The following NDUFS5 variants were observed in gnomAD, a reference collection of about 807,000 sequenced individuals.
NDUFS5 encodes NADH:ubiquinone oxidoreductase subunit S5.
A neutral mutation model predicts 10.5 loss-of-function variants in NDUFS5; 7 were observed. The observed-to-expected ratio is 0.66, with a 90% confidence interval of 0.38 to 1.25. The LOEUF is 1.25. Ranked by LOEUF, NDUFS5 falls within the 50% of genes most tolerant of loss-of-function variation. The probability of loss-of-function intolerance (pLI) is 0.02; values close to 1 mark genes in which losing one functional copy is unlikely to be tolerated. For synonymous variants in NDUFS5, 38 were observed against 44.0 expected (o/e 0.86, Z 0.54); for missense variants, 148 against 140.7 (o/e 1.05, Z -0.26).
chr1:39,028,459 C>T (rs546755384), intron 1 of NDUFS5, among the ~76,000 whole-genome samples: 4 of 152,032 alleles, frequency 2.6e-5, no homozygotes, highest in African/African-American at 4.8e-5. Context: ...CGCTCCTGAC[C>T]GAGAAAGGAT....
At chr1:39,032,356 A>G (rs933041933) in intron 2 of NDUFS5, among the ~76,000 whole-genome samples, 9 of 152,212 alleles carry the variant, frequency 5.9e-5, no homozygotes, top group African/African-American at 2.2e-4. Context: ...GTCATAGTTC[A>G]AAACCATGAC....
At chr1:39,032,553 T>C (rs988923007) in intron 2 of NDUFS5, among the ~76,000 whole-genome samples, 1 of 151,818 alleles carries the variant, frequency 6.6e-6, no homozygotes, top group African/African-American at 2.4e-5. Flanking sequence ...GTTAAAAAAA[T>C]TATGTCAGAA....
intron 2 of NDUFS5, among the ~76,000 whole-genome samples, chr1:39,029,277 G>A (rs946863274): frequency 5.3e-5 from 8 of 152,142 alleles, no homozygotes; most frequent in Non-Finnish European, 1.0e-4. Context: ...ACAGGCATGA[G>A]CCACCGTGCC....
At chr1:39,030,507 C>T (rs1196259669) in intron 2 of NDUFS5, among the ~76,000 whole-genome samples, 3 of 151,820 alleles carry the variant, frequency 2.0e-5, no homozygotes, top group Admixed American at 2.0e-4. Context: ...GAGTTCGAGA[C>T]CAGCCTGACC....
chr1:39,033,193 T>C (rs938711635), intron 2 of NDUFS5, among the ~76,000 whole-genome samples: 1 of 152,032 alleles, frequency 6.6e-6, no homozygotes, highest in Admixed American at 6.6e-5. Context: ...TACTTCCATA[T>C]GGGGAAAAGA....
intron 1 of NDUFS5, among the ~76,000 whole-genome samples, chr1:39,027,064 A>G (rs1374875158): frequency 6.6e-6 from 1 of 152,120 alleles, no homozygotes; most frequent in African/African-American, 2.4e-5. Flanking sequence ...GGAACTTAAG[A>G]AGTTAAATTC....
intron 1 of NDUFS5, among the ~76,000 whole-genome samples, chr1:39,027,581 G>GTTTTTTTTTTTTTTTTTTTTTTTTTTTT (rs760373747): frequency 2.2e-5 from 2 of 91,134 alleles, no homozygotes; most frequent in Non-Finnish European, 4.4e-5. Flanking sequence ...TTTCGCTCTG[G>GTTTTTTTTTTTTTTTTTTTTTTTTTTTT]TTTTTTTTTT....
chr1:39,029,057 A>C (rs1570990996), intron 2 of NDUFS5, 117 bp downstream of exon 2: 3 of 883,260 alleles, frequency 3.4e-6, no homozygotes, highest in Non-Finnish European at 1.7e-6. Flanking sequence ...TGATGGCGCC[A>C]CCTCGTCTCA....
intron 1 of NDUFS5, among the ~76,000 whole-genome samples, chr1:39,028,186 C>T (rs1452836392): frequency 6.8e-6 from 1 of 147,882 alleles, no homozygotes; most frequent in Non-Finnish European, 1.5e-5. Flanking sequence ...AATCCCAGCA[C>T]TTTGGGAGGC....
intron 1 of NDUFS5, among the ~76,000 whole-genome samples, chr1:39,027,814 CTTTT>C (rs1157906500): frequency 1.1e-4 from 4 of 35,544 alleles, no homozygotes; most frequent in Non-Finnish European, 2.2e-4. Context: ...TCTTCTTCTT[CTTTT>C]TTTTTTTTTT....
At chr1:39,033,923 C>T (rs1644210657) in intron 2 of NDUFS5, among the ~76,000 whole-genome samples, 1 of 152,038 alleles carries the variant, frequency 6.6e-6, no homozygotes, top group Non-Finnish European at 1.5e-5. Context: ...GCCTCAGCCT[C>T]CCGAGTAGCT....
At chr1:39,033,109 A>C (rs1644201322) in intron 2 of NDUFS5, among the ~76,000 whole-genome samples, 1 of 152,326 alleles carries the variant, frequency 6.6e-6, no homozygotes, top group South Asian at 2.1e-4. Context: ...GTTGAGAAGC[A>C]ACCAATGCCC....
At chr1:39,026,570 G>A (rs560605910) in intron 1 of NDUFS5, among the ~76,000 whole-genome samples, 168 bp downstream of exon 1, 1 of 152,296 alleles carries the variant, frequency 6.6e-6, no homozygotes, top group East Asian at 1.9e-4. Context: ...TAATGGCACC[G>A]AAGCCTGGAG....
At chr1:39,028,157 T>C (rs553163498) in intron 1 of NDUFS5, among the ~76,000 whole-genome samples, 4 of 142,818 alleles carry the variant, frequency 2.8e-5, no homozygotes, top group African/African-American at 1.0e-4. Flanking sequence ...TTAGGCCAGG[T>C]GCAGTGGCTC....
intron 2 of NDUFS5, among the ~76,000 whole-genome samples, chr1:39,030,398 C>T (rs1644181814): frequency 8.1e-6 from 1 of 122,922 alleles, no homozygotes; most frequent in Non-Finnish European, 1.8e-5. Flanking sequence ...GAGCGAGACT[C>T]CGTCTCAAGA....
At chr1:39,028,455 T>C (rs1417029875) in intron 1 of NDUFS5, among the ~76,000 whole-genome samples, 2 of 152,110 alleles carry the variant, frequency 1.3e-5, no homozygotes, top group African/African-American at 4.8e-5. Flanking sequence ...CCACCGCTCC[T>C]GACCGAGAAA....
intron 2 of NDUFS5, among the ~76,000 whole-genome samples, chr1:39,032,797 A>C (rs1472404138): frequency 6.6e-6 from 1 of 152,196 alleles, no homozygotes; most frequent in Non-Finnish European, 1.5e-5. Flanking sequence ...GACAGACCAG[A>C]GACTTAAAGA....
At chr1:39,032,348 C>T (rs1271316174) in intron 2 of NDUFS5, among the ~76,000 whole-genome samples, 1 of 152,114 alleles carries the variant, frequency 6.6e-6, no homozygotes, top group Non-Finnish European at 1.5e-5. Context: ...ATGGTATTGT[C>T]ATAGTTCAAA....
At chr1:39,031,986 CT>C (rs1644193338) in intron 2 of NDUFS5, among the ~76,000 whole-genome samples, 1 of 151,922 alleles carries the variant, frequency 6.6e-6, no homozygotes, top group Non-Finnish European at 1.5e-5. Context: ...GTGAAACCCC[CT>C]CTCTACTAAA....
Sources: gnomAD v4.1 joint callset for allele counts (sites outside exome capture counted in the v4.1 genomes callset) on GRCh38, gnomAD v4.1.1 for gene constraint, MANE v1.5 for transcripts, NCBI Gene and HGNC (gene_info 2026-07-23, HGNC 2026-07-21) for gene names.